The following PCED1B variants were observed in gnomAD, a reference collection of about 807,000 sequenced individuals.
PCED1B encodes the protein PC-esterase domain-containing protein 1B.
For missense variants in PCED1B, 573 were observed against 573.9 expected (o/e 1.00, Z 0.02); for synonymous variants, 251 against 246.1 (o/e 1.02, Z -0.19).
At position 47,153,193 on chromosome 12, in the gene PCED1B, C is replaced by CA. The variant is rs555964630; in HGVS notation, c.-526+49005dup. On this transcript the variant is annotated intron_variant, in intron 2 of 3. Coordinates refer to ENST00000546455, the MANE Select transcript of PCED1B (RefSeq NM_138371.3). ...TGAAACCCTGTCTCTACTGAAAATA[C>CA]AAAAAAATTAGCTGGGTGTGGTGGC... Among the ~76,000 whole-genome samples the CA allele has an allele frequency of 3.2e-3, 482 of 150,426 alleles. 1 individual carries two copies. The highest frequency in any genetic ancestry group is 0.011 in the African/African-American group (455 of 40,950).
rs768488970 is a variant in PCED1B at position 47,235,165 on chromosome 12, G to T, written c.102G>T (p.Val34=). 2 of 1,585,228 alleles carry T rather than the reference G, an allele frequency of 1.3e-6. No individual in the cohort carries two copies. Among genetic ancestry groups the T allele is most frequent in the Non-Finnish European group, 1.7e-6 (2 of 1,165,054 alleles). The change falls in exon 4 of 4, where the codon GTG becomes GTT. Residue 34 remains valine (V), a synonymous_variant. Transcript: ENST00000546455. ...SVHRAVYKDL[V]LLLQKDRLLT... ...ATAGGGCAGTATACAAGGACCTGGT[G>T]CTTCTGCTGCAGAAGGACCGCCTGC... is the stretch of plus-strand genomic sequence containing the variant.
In PCED1B at chr12:47,236,140, C is replaced by T. The variant is rs1328390553; in HGVS notation, c.1077C>T (p.Val359=). 1 of 1,614,032 alleles carries T rather than the reference C, an allele frequency of 6.2e-7. No homozygotes were observed. The highest frequency in any genetic ancestry group is 8.5e-7 in the Non-Finnish European group (1 of 1,180,040). Reference sequence around the variant, plus strand: ...ATCAATTCTATTGCCATTCAGATGTCCCCTCATCAGCCCATGCAGGTTTCT... The same window carrying T: ...ATCAATTCTATTGCCATTCAGATGTTCCCTCATCAGCCCATGCAGGTTTCT... ...QSDQFYCHSD[V]PSSAHAGFFV... is the part of the protein sequence containing the mutation. The change falls in exon 4 of 4, where the codon GTC becomes GTT. Residue 359 remains valine (V), a synonymous_variant. Coordinates refer to ENST00000546455, the MANE Select transcript of PCED1B (RefSeq NM_138371.3).
At chr12:47,207,885 G>A (rs2137746010) in intron 2 of PCED1B, among the ~76,000 whole-genome samples, 1 of 152,246 alleles carries the variant, frequency 6.6e-6, no homozygotes, top group South Asian at 2.1e-4. Context: ...AACAAACTAA[G>A]CATATGACAG....
chr12:47,235,253 G>C lies in PCED1B; in HGVS notation c.190G>C (p.Gly64Arg). ...LNFEQDELVD[G>R]GQRGHMHNGL... is the part of the protein sequence containing the mutation. ...CTTCGAACAAGATGAGCTGGTGGAC[G>C]GAGGCCAGCGGGGCCACATGCACAA... is the stretch of plus-strand genomic sequence containing the variant. The change falls in exon 4 of 4, where the codon GGA (glycine) becomes CGA (arginine). Residue 64 changes from glycine to arginine, a missense_variant. Transcript: ENST00000546455. 1 of 1,613,660 alleles carries C rather than the reference G, an allele frequency of 6.2e-7. No individual in the cohort carries two copies. Among genetic ancestry groups the C allele is most frequent in the Non-Finnish European group, 8.5e-7 (1 of 1,179,738 alleles).
intron 2 of PCED1B, among the ~76,000 whole-genome samples, chr12:47,105,502 G>A (rs1177193505): frequency 1.3e-5 from 2 of 152,172 alleles, no homozygotes; most frequent in Non-Finnish European, 2.9e-5. Flanking sequence ...ATGCAGCATT[G>A]GTAGAAATGG....
intron 2 of PCED1B, among the ~76,000 whole-genome samples, chr12:47,203,725 T>C (rs528780384): frequency 6.6e-6 from 1 of 152,344 alleles, no homozygotes; most frequent in African/African-American, 2.4e-5. Context: ...GATGGGCATT[T>C]AGGTTGATTT....
chr12:47,113,690 A>T (rs1032058697), intron 2 of PCED1B, among the ~76,000 whole-genome samples: 4 of 147,804 alleles, frequency 2.7e-5, no homozygotes, highest in Non-Finnish European at 6.0e-5. Context: ...CCAAAATGCA[A>T]TTTTTTTTTT....
chr12:47,151,124 A>C (rs1940976183), intron 2 of PCED1B, among the ~76,000 whole-genome samples: 1 of 104,668 alleles, frequency 9.6e-6, no homozygotes, highest in Non-Finnish European at 2.3e-5. Context: ...TATATACTCT[A>C]TATATAATAT....
intron 2 of PCED1B, among the ~76,000 whole-genome samples, chr12:47,139,420 C>T (rs77514958): frequency 2.0e-5 from 3 of 152,032 alleles, no homozygotes; most frequent in Admixed American, 6.6e-5. Flanking sequence ...AGGGAGTACA[C>T]CATGTGCACA....
chr12:47,211,653 CAAAAAAAAAA>C (rs760117906), intron 2 of PCED1B, among the ~76,000 whole-genome samples: 1 of 65,644 alleles, frequency 1.5e-5, no homozygotes, highest in African/African-American at 5.7e-5. Context: ...GACTCTGTCT[CAAAAAAAAAA>C]AAAAAAAAAA....
chr12:47,118,227 G>A (rs1208283165), intron 2 of PCED1B, among the ~76,000 whole-genome samples: 2 of 152,146 alleles, frequency 1.3e-5, no homozygotes, highest in Non-Finnish European at 2.9e-5. Flanking sequence ...GGCTTTTGTT[G>A]CCATTGCTTT....
At chr12:47,205,578 T>C (rs979697879) in intron 2 of PCED1B, among the ~76,000 whole-genome samples, 2 of 152,190 alleles carry the variant, frequency 1.3e-5, no homozygotes, top group Non-Finnish European at 2.9e-5. Flanking sequence ...CCAGGAATGG[T>C]GTAACAGCTT....
At chr12:47,211,932 G>A (rs991053290) in intron 2 of PCED1B, among the ~76,000 whole-genome samples, 2 of 151,500 alleles carry the variant, frequency 1.3e-5, no homozygotes, top group South Asian at 2.1e-4. Flanking sequence ...AAAATTAGCC[G>A]GGCGTAGTGG....
At chr12:47,169,315 G>A (rs1303020867) in intron 2 of PCED1B, among the ~76,000 whole-genome samples, 1 of 152,182 alleles carries the variant, frequency 6.6e-6, no homozygotes, top group Non-Finnish European at 1.5e-5. Flanking sequence ...CATCTTCGGT[G>A]ATAAAGGTGT....
chr12:47,116,674 T>G (rs1250947232), intron 2 of PCED1B, among the ~76,000 whole-genome samples: 3 of 152,200 alleles, frequency 2.0e-5, no homozygotes, highest in African/African-American at 7.2e-5. Flanking sequence ...TTATTGAAAA[T>G]GTCAAAGTTG....
chr12:47,084,517 T>C (rs1937890012), intron 1 of PCED1B, among the ~76,000 whole-genome samples: 1 of 152,228 alleles, frequency 6.6e-6, no homozygotes, highest in South Asian at 2.1e-4. Context: ...TTTCTGTTTC[T>C]ATGGATTTGC....
intron 2 of PCED1B, among the ~76,000 whole-genome samples, chr12:47,158,232 C>T (rs996740870): frequency 6.6e-5 from 10 of 152,182 alleles, no homozygotes; most frequent in Admixed American, 2.6e-4. Flanking sequence ...TCCACAGCAA[C>T]CATACCATTT....
chr12:47,186,122 G>A (rs928316247), intron 2 of PCED1B, among the ~76,000 whole-genome samples: 1 of 151,982 alleles, frequency 6.6e-6, no homozygotes, highest in African/African-American at 2.4e-5. Context: ...GGAGACTGAG[G>A]CAGGAGAACT....
chr12:47,193,608 C>T (rs1365634285), intron 2 of PCED1B, among the ~76,000 whole-genome samples: 3 of 152,160 alleles, frequency 2.0e-5, no homozygotes, highest in African/African-American at 7.2e-5. Flanking sequence ...TTACAATTTC[C>T]CTCAGAGACA....
Sources: gnomAD v4.1 joint callset for allele counts (sites outside exome capture counted in the v4.1 genomes callset) on GRCh38, gnomAD v4.1.1 for gene constraint, MANE v1.5 for transcripts, NCBI Gene and HGNC (gene_info 2026-07-23, HGNC 2026-07-21) for gene names.